The following ABCC4 variants were observed in gnomAD, a reference collection of about 807,000 sequenced individuals.
The protein encoded by ABCC4 is ATP binding cassette subfamily C member 4 (PEL blood group), also known as ATP-binding cassette sub-family C member 4.
In ABCC4, 102 loss-of-function variants were observed where a neutral mutation model predicts 168.5. The ratio of observed to expected loss-of-function variants is 0.61; its 90% CI spans 0.52 to 0.71. The LOEUF (loss-of-function observed/expected upper bound fraction) is 0.71, where lower values mean the gene tolerates loss of function less well. Ranked by LOEUF, ABCC4 falls within the 30% of genes least tolerant of loss-of-function variation. The pLI is 0.00. For synonymous variants in ABCC4, 617 were observed against 590.7 expected, an observed-to-expected ratio of 1.04 and a Z score of -0.65; for missense variants, 1,402 against 1,605.8, an observed-to-expected ratio of 0.87 and a Z score of 2.17.
At chr13:95,189,801 C>A (rs1393694172) in intron 9 of ABCC4, among the ~76,000 whole-genome samples, 1 of 152,184 alleles carries the variant, frequency 6.6e-6, no homozygotes, top group Non-Finnish European at 1.5e-5. Flanking sequence ...GTTACACCTG[C>A]AGCTTGTGTT....
intron 4 of ABCC4, among the ~76,000 whole-genome samples, chr13:95,218,935 AAG>A (rs879448359): frequency 0.014 from 368 of 26,694 alleles, 21 homozygotes; most frequent in Non-Finnish European, 0.025. Context: ...AAGAGAAAGA[AAG>A]AAAGAAAGAA....
At chr13:95,252,138 T>A (rs993406845) in intron 1 of ABCC4, among the ~76,000 whole-genome samples, 13 of 152,060 alleles carry the variant, frequency 8.5e-5, no homozygotes, top group Non-Finnish European at 1.9e-4. Context: ...AGTACAAGGA[T>A]GCTAGCCATT....
chr13:95,072,376 G>T (rs555439818), intron 24 of ABCC4, among the ~76,000 whole-genome samples: 1 of 152,066 alleles, frequency 6.6e-6, no homozygotes, highest in African/African-American at 2.4e-5. Context: ...CAGGAAAATC[G>T]CTTGAACCCG....
At chr13:95,064,262 A>G (rs944770487) in intron 25 of ABCC4, among the ~76,000 whole-genome samples, 43 of 1,826 alleles carry the variant, frequency 0.024, no homozygotes, top group East Asian at 0.14. Flanking sequence ...GTGTGTGTGT[A>G]TATATATATA....
At chr13:95,133,686 G>A (rs1179143226) in intron 19 of ABCC4, among the ~76,000 whole-genome samples, 1 of 152,148 alleles carries the variant, frequency 6.6e-6, no homozygotes, top group Non-Finnish European at 1.5e-5. Context: ...AGGATAAGGA[G>A]AGCAAAGCGA....
At chr13:95,128,494 G>T (rs189091531) in intron 19 of ABCC4, among the ~76,000 whole-genome samples, 4 of 152,182 alleles carry the variant, frequency 2.6e-5, no homozygotes, top group African/African-American at 4.8e-5. Context: ...TGCACAGGGC[G>T]TCTGCAAGTC....
chr13:95,121,216 A>G (rs1001847831), intron 19 of ABCC4, among the ~76,000 whole-genome samples: 8 of 152,280 alleles, frequency 5.3e-5, no homozygotes, highest in Admixed American at 6.5e-5. Flanking sequence ...TTCCTGACCT[A>G]TAAAATGGAG....
chr13:95,181,878 G>A (rs145002242), intron 11 of ABCC4, among the ~76,000 whole-genome samples: 2,902 of 152,154 alleles, frequency 0.019, 72 homozygotes, highest in Non-Finnish European at 0.023. Flanking sequence ...CTCAGAACTC[G>A]AAGTCTCTCT....
chr13:95,052,288 C>T (rs1392849213), intron 27 of ABCC4, among the ~76,000 whole-genome samples: 5 of 152,130 alleles, frequency 3.3e-5, no homozygotes, highest in African/African-American at 1.2e-4. Flanking sequence ...GCCTTAAATG[C>T]TTACTTTTTA....
At chr13:95,033,820 C>G (rs1438611165) in intron 30 of ABCC4, among the ~76,000 whole-genome samples, 1 of 152,084 alleles carries the variant, frequency 6.6e-6, no homozygotes, top group East Asian at 1.9e-4. Context: ...TGCTACCACT[C>G]CCAGCTAATT....
At chr13:95,174,815 G>A (rs2037611995) in intron 13 of ABCC4, among the ~76,000 whole-genome samples, 1 of 152,246 alleles carries the variant, frequency 6.6e-6, no homozygotes, top group Admixed American at 6.5e-5. Context: ...TGAGGAGGGA[G>A]CAGGAAACGA....
chr13:95,228,318 G>T (rs912721519), intron 4 of ABCC4, among the ~76,000 whole-genome samples: 1 of 152,088 alleles, frequency 6.6e-6, no homozygotes, highest in Non-Finnish European at 1.5e-5. Context: ...ATTGCATAGG[G>T]CGGCAGACAT....
At chr13:95,159,885 C>T (rs933665871) in intron 19 of ABCC4, among the ~76,000 whole-genome samples, 1 of 152,150 alleles carries the variant, frequency 6.6e-6, no homozygotes, top group African/African-American at 2.4e-5. Flanking sequence ...TAATTTCCAC[C>T]CCACAGTGAA....
intron 19 of ABCC4, among the ~76,000 whole-genome samples, chr13:95,117,020 G>A (rs756365932): frequency 5.9e-5 from 9 of 152,164 alleles, no homozygotes; most frequent in Admixed American, 1.3e-4. Context: ...GCTGCCTCCC[G>A]CTGCTGGGGC....
At position 95,161,306 on chromosome 13, in the gene ABCC4, T is replaced by A. The variant is rs201512856; in HGVS notation, c.2338A>T (p.Ile780Leu). Reference protein sequence around the residue: ...GLTVATVLFGIARSLLVFYVL... With the variant: ...GLTVATVLFGLARSLLVFYVL... ...TAGAATACCAATAGAGATCTTGCTA[T>A]GCCAAAAAGAACGGTAGCTACAGTT... The change falls in exon 19 of 31, where the codon ATA becomes TTA. Residue 780 changes from isoleucine to leucine, a missense_variant. Transcript: ENST00000645237. The A allele has an allele frequency of 6.3e-7, 1 of 1,595,742 alleles. No homozygotes were observed. The highest frequency in any genetic ancestry group is 8.5e-7 in the Non-Finnish European group (1 of 1,174,842).
chr13:95,148,635 C>CAG (rs2036575237), intron 19 of ABCC4, among the ~76,000 whole-genome samples: 1 of 147,306 alleles, frequency 6.8e-6, no homozygotes, highest in South Asian at 2.1e-4. Context: ...CACACACACA[C>CAG]ACAATCAATG....
chr13:95,112,245 C>CAT (rs1476248115), intron 20 of ABCC4, among the ~76,000 whole-genome samples: 3 of 151,686 alleles, frequency 2.0e-5, no homozygotes, highest in African/African-American at 7.3e-5. Context: ...CACAGCTACT[C>CAT]AGGAGGCTGA....
At chr13:95,253,405 T>C (rs2040315917) in intron 1 of ABCC4, among the ~76,000 whole-genome samples, 2 of 152,028 alleles carry the variant, frequency 1.3e-5, no homozygotes, top group South Asian at 2.1e-4. Context: ...GCTGGGCACA[T>C]AGAAGGCACC....
intron 22 of ABCC4, 98 bp downstream of exon 22, chr13:95,075,334 C>T (rs550581464): frequency 6.5e-7 from 1 of 1,530,498 alleles, no homozygotes; most frequent in Non-Finnish European, 8.9e-7. Context: ...GGGGCTGGGC[C>T]CTGAGGTGCC....
Sources: gnomAD v4.1 joint callset for allele counts (sites outside exome capture counted in the v4.1 genomes callset) on GRCh38, gnomAD v4.1.1 for gene constraint, MANE v1.5 for transcripts, NCBI Gene and HGNC (gene_info 2026-07-23, HGNC 2026-07-21) for gene names.